Variants in PTPRQ observed in about 807,000 individuals in gnomAD.
The protein encoded by PTPRQ is phosphatidylinositol phosphatase PTPRQ.
In PTPRQ, 199 loss-of-function variants were observed where a neutral mutation model predicts 246.0. That is an observed-to-expected ratio of 0.81 (90% confidence interval 0.72 to 0.91). The LOEUF (loss-of-function observed/expected upper bound fraction) is 0.91, where lower values mean the gene tolerates loss of function less well. PTPRQ is among the 40% of genes least tolerant of loss of function. The pLI, the probability that PTPRQ is intolerant of heterozygous loss-of-function variation, is 0.00. For missense variants in PTPRQ, 2,624 were observed against 2,528.4 expected, an observed-to-expected ratio of 1.04 and a Z score of -0.81; for synonymous variants, 869 against 853.2, an observed-to-expected ratio of 1.02 and a Z score of -0.32.
At chr12:80,486,541 T>G (rs1226500420) in intron 9 of PTPRQ, among the ~76,000 whole-genome samples, 1 of 152,106 alleles carries the variant, frequency 6.6e-6, no homozygotes, top group Admixed American at 6.6e-5. Context: ...AAAATCAACT[T>G]TTGGAGACTT....
chr12:80,628,363 G>C (rs1456260815), intron 33 of PTPRQ, among the ~76,000 whole-genome samples: 1 of 151,848 alleles, frequency 6.6e-6, no homozygotes, highest in East Asian at 1.9e-4. Context: ...CTTTTATATT[G>C]GTAACATTAC....
intron 40 of PTPRQ, 49 bp from the exon 41 acceptor site, chr12:80,669,290 T>C: frequency 1.3e-6 from 2 of 1,542,208 alleles, no homozygotes; most frequent in Non-Finnish European, 1.7e-6. Flanking sequence ...TATACATATA[T>C]ATCAATATAA....
At chr12:80,448,205 A>G (rs1409660789) in intron 3 of PTPRQ, among the ~76,000 whole-genome samples, 2 of 152,008 alleles carry the variant, frequency 1.3e-5, no homozygotes, top group Non-Finnish European at 2.9e-5. Flanking sequence ...TTATTGGTGT[A>G]TAGAAATTCC....
intron 25 of PTPRQ, among the ~76,000 whole-genome samples, chr12:80,563,733 G>A (rs1896896092): frequency 6.6e-6 from 1 of 152,088 alleles, no homozygotes; most frequent in Non-Finnish European, 1.5e-5. Flanking sequence ...TGGTTGGGAG[G>A]AGTAGTGATA....
intron 26 of PTPRQ, among the ~76,000 whole-genome samples, chr12:80,602,602 GC>G (rs1898179464): frequency 2.0e-5 from 3 of 151,728 alleles, no homozygotes; most frequent in Admixed American, 2.0e-4. Flanking sequence ...GCTTAGTGAA[GC>G]CTGTCTTATA....
Position 80,556,542 on chromosome 12 carries a change from A to G in PTPRQ, c.4285+6808A>G, listed in dbSNP as rs73349758. ...GACAAGTACACTAATGTTTACTTAG[A>G]TCATCTGATATAGATCAATAAAAGT... On this transcript the variant is annotated intron_variant, in intron 25 of 44. Transcript: ENST00000644991. Among the ~76,000 whole-genome samples the G allele has an allele frequency of 6.8e-3, 1,033 of 152,316 alleles. 16 individuals carry two copies. Among genetic ancestry groups the G allele is most frequent in the African/African-American group, 0.023 (950 of 41,568 alleles).
intron 30 of PTPRQ, among the ~76,000 whole-genome samples, chr12:80,618,614 G>T (rs1220555218): frequency 6.6e-6 from 1 of 151,380 alleles, no homozygotes; most frequent in Non-Finnish European, 1.5e-5. Flanking sequence ...AGTAAATAAA[G>T]CTCATTGTAA....
intron 39 of PTPRQ, among the ~76,000 whole-genome samples, chr12:80,666,235 A>G (rs1342350329): frequency 6.6e-6 from 1 of 152,050 alleles, no homozygotes; most frequent in Non-Finnish European, 1.5e-5. Flanking sequence ...CTATTTAGCC[A>G]TGTAAAAGAA....
chr12:80,524,118 A>G (rs986907607), intron 17 of PTPRQ, among the ~76,000 whole-genome samples: 7 of 152,096 alleles, frequency 4.6e-5, no homozygotes, highest in Non-Finnish European at 8.8e-5. Flanking sequence ...GCATTATGTA[A>G]TGGCCTTCTT....
intron 35 of PTPRQ, among the ~76,000 whole-genome samples, chr12:80,646,768 T>C (rs983620976): frequency 5.9e-5 from 9 of 152,088 alleles, no homozygotes; most frequent in African/African-American, 1.9e-4. Flanking sequence ...AAAAAATCTT[T>C]AGGGAGAGAT....
intron 35 of PTPRQ, among the ~76,000 whole-genome samples, chr12:80,636,401 CTG>C (rs1899650489): frequency 6.6e-6 from 1 of 152,190 alleles, no homozygotes; most frequent in African/African-American, 2.4e-5. Flanking sequence ...TACTACTAGA[CTG>C]TGTCTCAGCC....
chr12:80,665,111 G>A (rs574280244), intron 39 of PTPRQ, among the ~76,000 whole-genome samples: 2 of 151,956 alleles, frequency 1.3e-5, no homozygotes, highest in Non-Finnish European at 2.9e-5. Flanking sequence ...AAGTAGGGAA[G>A]CTGATAGTGC....
intron 38 of PTPRQ, among the ~76,000 whole-genome samples, chr12:80,654,764 G>A (rs977535526): frequency 2.6e-5 from 4 of 151,850 alleles, no homozygotes; most frequent in African/African-American, 7.3e-5. Flanking sequence ...AGAGGCTGAG[G>A]CAGGAGACTT....
chr12:80,465,308 G>C (rs939724158), intron 6 of PTPRQ: 3 of 152,270 alleles, frequency 2.0e-5, no homozygotes, highest in Non-Finnish European at 4.4e-5. Context: ...AAACCAGGAA[G>C]AAGTTGACTC....
intron 17 of PTPRQ, among the ~76,000 whole-genome samples, chr12:80,523,772 G>T (rs1248007601): frequency 3.9e-5 from 6 of 152,164 alleles, no homozygotes. Context: ...GCTGAGGAGT[G>T]CTTTACTTCC....
Position 80,641,661 on chromosome 12 carries a change from G to A in PTPRQ, c.5915+6588G>A, listed in dbSNP as rs557791008. 7.6e-4 allele frequency among the ~76,000 whole-genome samples: 115 copies of A among 152,266 alleles called. 2 individuals are homozygous for A. In the South Asian group the frequency reaches 0.012, roughly 16 times the overall value. On this transcript the variant is annotated intron_variant, in intron 35 of 44. Coordinates refer to ENST00000644991, the MANE Select transcript of PTPRQ (RefSeq NM_001145026.2). ...TGATGGGGTTCAAACATTTGTCAAA[G>A]TAAGACACTGTTAAACTGAAGATTT...
rs183707917 is a variant in PTPRQ at position 80,552,569 on chromosome 12, C to T, written c.4285+2835C>T. ...AAATTCAGTTAGTAGAACTGTGATT[C>T]ATAATCCAAATCGCAATGTGCACCT... On this transcript the variant is annotated intron_variant, in intron 25 of 44. Transcript: ENST00000644991. Among the ~76,000 whole-genome samples, 110 of 143,752 alleles carry T rather than the reference C, an allele frequency of 7.7e-4. 1 individual carries two copies. The highest frequency in any genetic ancestry group is 7.6e-3 in the Admixed American group (106 of 13,944). 94.3% of individuals were successfully genotyped at this position (143,752 alleles called of 152,430 possible). A position where few individuals can be genotyped will look rare whatever the true frequency, so the allele number is the denominator to read the frequency against.
At chr12:80,454,571 T>G (rs1892907617) in intron 3 of PTPRQ, 1 of 702,392 alleles carries the variant, frequency 1.4e-6, no homozygotes, top group Non-Finnish European at 2.6e-6. Flanking sequence ...TCCTTTAAAC[T>G]TTTCTCCGTT....
Position 80,590,569 on chromosome 12 carries a change from G to T in PTPRQ, c.4609+2117G>T, listed in dbSNP as rs577930001. Reference sequence around the variant, plus strand: ...TGTAGTCCCAGCTACTCGGGAGGCTGAGGCAGGAGAATGGCATGAACCCGG... The same window carrying T: ...TGTAGTCCCAGCTACTCGGGAGGCTTAGGCAGGAGAATGGCATGAACCCGG... On this transcript the variant is annotated intron_variant, in intron 26 of 44. Coordinates refer to ENST00000644991, the MANE Select transcript of PTPRQ (RefSeq NM_001145026.2). Among the ~76,000 whole-genome samples, 41 of 150,260 alleles carry T rather than the reference G, an allele frequency of 2.7e-4. 1 individual carries two copies. The South Asian group carries it at 8.7e-3, about 32-fold the overall frequency.
Sources: allele counts gnomAD v4.1 joint callset (sites outside exome capture counted in the v4.1 genomes callset), GRCh38; gene constraint gnomAD v4.1.1; transcripts MANE v1.5; gene names NCBI Gene and HGNC (gene_info 2026-07-23, HGNC 2026-07-21).